PHF21B: variants seen among roughly 807,000 people sequenced by gnomAD.
The protein encoded by PHF21B is PHD finger protein 4.
PHF21B carries 22 observed loss-of-function variants against 62.2 expected under a neutral mutation model. The observed-to-expected ratio is 0.35, with a 90% CI of 0.25 to 0.51. The LOEUF is 0.51. Ranked by LOEUF, PHF21B falls within the 20% of genes least tolerant of loss-of-function variation. PHF21B has a pLI of 0.97. For missense variants in PHF21B, 701 were observed against 707.9 expected (o/e 0.99, Z 0.11); for synonymous variants, 341 against 314.7 (o/e 1.08, Z -0.88).
intron 2 of PHF21B, among the ~76,000 whole-genome samples, chr22:44,998,390 G>A (rs139355018): frequency 4.6e-4 from 70 of 152,318 alleles, no homozygotes; most frequent in Middle Eastern, 3.4e-3. Flanking sequence ...AACACAATAG[G>A]TTTCTCGCAT....
chr22:44,922,951 A>T lies in PHF21B; in HGVS notation c.121-2461T>A, dbSNP rs77494427. Among the ~76,000 whole-genome samples the T allele has an allele frequency of 3.3e-3, 508 of 152,222 alleles. 4 individuals are homozygous for T. Among genetic ancestry groups the T allele is most frequent in the African/African-American group, 0.011 (465 of 41,548 alleles). On this transcript the variant is annotated intron_variant, in intron 2 of 12. Coordinates refer to ENST00000313237, the MANE Select transcript of PHF21B (RefSeq NM_138415.5). ...TCAAAATCTCAGTCAGCTTTTTTTT[A>T]AAAAAATAGAAATTGACAAGATGAT...
intron 5 of PHF21B, among the ~76,000 whole-genome samples, chr22:44,896,935 C>G (rs1014215607): frequency 1.5e-5 from 2 of 132,636 alleles, no homozygotes; most frequent in African/African-American, 5.6e-5. Context: ...CTGGAGTGCA[C>G]TGGAGTAATC....
chr22:44,952,851 CAG>C (rs2072220766), intron 2 of PHF21B, among the ~76,000 whole-genome samples: 1 of 152,206 alleles, frequency 6.6e-6, no homozygotes, highest in Non-Finnish European at 1.5e-5. Context: ...TTCTCAGTGA[CAG>C]AGAGCTCTCA....
intron 2 of PHF21B, among the ~76,000 whole-genome samples, chr22:44,982,662 G>A (rs947927495): frequency 3.3e-5 from 5 of 152,176 alleles, no homozygotes; most frequent in Admixed American, 6.5e-5. Context: ...TGAGGCTGTC[G>A]ATTTTAATTA....
At chr22:44,975,508 A>G (rs1330549490) in intron 2 of PHF21B, among the ~76,000 whole-genome samples, 1 of 151,876 alleles carries the variant, frequency 6.6e-6, no homozygotes, top group Non-Finnish European at 1.5e-5. Flanking sequence ...AGCAGGTCTC[A>G]TCACTGGGCG....
chr22:44,982,073 GAAAC>G (rs2072852836), intron 2 of PHF21B, among the ~76,000 whole-genome samples: 1 of 152,240 alleles, frequency 6.6e-6, no homozygotes, highest in Non-Finnish European at 1.5e-5. Context: ...TGTGGCGGTG[GAAAC>G]AGCGCTGGGC....
chr22:44,984,625 A>G (rs1374644161), intron 2 of PHF21B, among the ~76,000 whole-genome samples: 1 of 152,256 alleles, frequency 6.6e-6, no homozygotes, highest in African/African-American at 2.4e-5. Context: ...CCTGCTCAGC[A>G]TGAGAATGAA....
chr22:44,882,876 A>C lies in PHF21B; in HGVS notation c.*210T>G. ...GTCGTACCCCACCTGGCTCCTAGGT[A>C]CCCCCTGTGAATTTGGAGGGCACAG... On this transcript the variant is annotated 3_prime_UTR_variant, in exon 13 of 13. Transcript: ENST00000313237. The C allele has an allele frequency of 1.8e-6, 1 of 563,376 alleles. No homozygotes were observed. The highest frequency in any genetic ancestry group is 3.0e-6 in the Non-Finnish European group (1 of 332,224). The allele number at this position is 563,376 out of a possible 1,614,324, so 34.9% of individuals were successfully genotyped here.
chr22:44,938,600 G>A (rs1424806306), intron 2 of PHF21B, among the ~76,000 whole-genome samples: 1 of 152,266 alleles, frequency 6.6e-6, no homozygotes, highest in Non-Finnish European at 1.5e-5. Flanking sequence ...GGCCAAGGGG[G>A]CAGCTAGAGG....
intron 2 of PHF21B, among the ~76,000 whole-genome samples, chr22:45,004,613 G>A: frequency 6.6e-6 from 1 of 152,200 alleles, no homozygotes; most frequent in African/African-American, 2.4e-5. Flanking sequence ...TTCTGGAGGA[G>A]AGTAAGCTTG....
chr22:45,006,771 C>T (rs891058350), intron 2 of PHF21B, among the ~76,000 whole-genome samples: 1 of 151,714 alleles, frequency 6.6e-6, no homozygotes, highest in Non-Finnish European at 1.5e-5. Flanking sequence ...TAGGAGCGTA[C>T]GAGTCAACAA....
chr22:44,927,638 C>T (rs2071658357), intron 2 of PHF21B, among the ~76,000 whole-genome samples: 2 of 152,210 alleles, frequency 1.3e-5, no homozygotes, highest in South Asian at 4.1e-4. Flanking sequence ...GCTCTCCAAT[C>T]TCTACGTGTT....
chr22:45,008,431 C>G, intron 2 of PHF21B, 114 bp downstream of exon 2: 1 of 979,208 alleles, frequency 1.0e-6, no homozygotes. Context: ...TGGAGACAGA[C>G]CCCTCTGGGA....
intron 2 of PHF21B, among the ~76,000 whole-genome samples, chr22:44,973,744 C>T (rs941984180): frequency 9.2e-5 from 14 of 151,974 alleles, no homozygotes; most frequent in African/African-American, 3.4e-4. Context: ...TCCCAGCTTT[C>T]TCAAGACAGT....
At chr22:44,903,442 G>A (rs1245466613) in intron 5 of PHF21B, among the ~76,000 whole-genome samples, 2 of 151,768 alleles carry the variant, frequency 1.3e-5, no homozygotes, top group African/African-American at 4.8e-5. Context: ...GTCTGCCGAT[G>A]CTCTGCTCAT....
intron 2 of PHF21B, among the ~76,000 whole-genome samples, chr22:44,937,848 C>T (rs372777570): frequency 3.3e-5 from 5 of 152,366 alleles, no homozygotes; most frequent in African/African-American, 1.2e-4. Flanking sequence ...CAGGCCTCCC[C>T]GGACATGAGG....
At chr22:44,962,812 G>GGCGT (rs758743903) in intron 2 of PHF21B, among the ~76,000 whole-genome samples, 18 of 152,092 alleles carry the variant, frequency 1.2e-4, no homozygotes, top group Non-Finnish European at 2.5e-4. Flanking sequence ...GCAGGGTGGG[G>GGCGT]GCGTGCTTTA....
intron 2 of PHF21B, among the ~76,000 whole-genome samples, chr22:44,963,064 G>A (rs1316792321): frequency 6.6e-6 from 1 of 152,230 alleles, no homozygotes; most frequent in African/African-American, 2.4e-5. Context: ...TGAGCTCTCT[G>A]GGGGCACAGG....
rs2070773366 is a variant in PHF21B, at chr22:44,883,439, C to T, written c.1378-135G>A. 15 of 782,612 alleles carry T rather than the reference C, an allele frequency of 1.9e-5. No individual in the cohort carries two copies. The South Asian group carries it at 2.6e-4, about 13-fold the overall frequency. 48.5% of individuals were successfully genotyped at this position (782,612 alleles called of 1,614,324 possible). Reference sequence around the variant, plus strand: ...ACCAGGCTGAGGGCTTCACAAAAACCAGGCAGTGGTGCAAATGCAATTAAA... The same window carrying T: ...ACCAGGCTGAGGGCTTCACAAAAACTAGGCAGTGGTGCAAATGCAATTAAA... On this transcript the variant is annotated intron_variant, in intron 12 of 12. Coordinates refer to ENST00000313237, the MANE Select transcript of PHF21B (RefSeq NM_138415.5).
Sources: gnomAD v4.1 joint callset for allele counts (sites outside exome capture counted in the v4.1 genomes callset) on GRCh38, gnomAD v4.1.1 for gene constraint, MANE v1.5 for transcripts, NCBI Gene and HGNC (gene_info 2026-07-23, HGNC 2026-07-21) for gene names.